C4orf51: variants seen among roughly 807,000 people sequenced by gnomAD.
C4orf51 encodes chromosome 4 open reading frame 51.
A neutral mutation model predicts 25.2 loss-of-function variants in C4orf51; 25 were observed. The ratio of observed to expected loss-of-function variants is 0.99; its 90% confidence interval spans 0.72 to 1.39. The LOEUF is 1.39. Among genes scored for constraint, C4orf51 ranks in the 40% most tolerant of loss-of-function variants. The pLI, the probability that C4orf51 is intolerant of heterozygous loss-of-function variation, is 0.00. For synonymous variants in C4orf51, 100 were observed against 84.5 expected, an observed-to-expected ratio of 1.18 and a Z score of -1.01; for missense variants, 252 against 239.6, an observed-to-expected ratio of 1.05 and a Z score of -0.34.
chr4:145,788,532 CTG>C, the C4orf51 span, among the ~76,000 whole-genome samples: 1 of 152,218 alleles, frequency 6.6e-6, no homozygotes, highest in Non-Finnish European at 1.5e-5. Flanking sequence ...TATGTTTTCC[CTG>C]TACTTGTACT....
rs867942596 is a variant in C4orf51, at chr4:145,761,690, C to T, written n.167-9298C>T. ...GCCTCACCAGCCTTCCCTCACACCA[C>T]CCCCCAGTGTCTGAGGCCTGGCCTG... On this transcript the variant is annotated intron_variant and non_coding_transcript_variant, in intron 1 of 1. Transcript: ENST00000510096. The surrounding 1 kb of genome is among the most constrained non-coding windows in gnomAD (Gnocchi z 6.8). 121 of 782,286 alleles carry T rather than the reference C, an allele frequency of 1.5e-4. 4 individuals are homozygous for T. The highest frequency in any genetic ancestry group is 1.2e-3 in the South Asian group (70 of 59,490). 48.5% of individuals were successfully genotyped at this position (782,286 alleles called of 1,614,324 possible).
At chr4:145,721,374 C>T (rs1043943553) in intron 2 of C4orf51, among the ~76,000 whole-genome samples, 1 of 150,840 alleles carries the variant, frequency 6.6e-6, no homozygotes, top group South Asian at 2.1e-4. Context: ...ATCACACTGG[C>T]CACCAATATG....
At chr4:145,791,911 T>C in the C4orf51 span, among the ~76,000 whole-genome samples, 1 of 152,222 alleles carries the variant, frequency 6.6e-6, no homozygotes, top group African/African-American at 2.4e-5. Context: ...CAGCCAGGAT[T>C]AAACCCAGGA....
Position 145,763,292 on chromosome 4 carries a change from A to G in C4orf51, n.167-7696A>G, listed in dbSNP as rs1367602652. 6.6e-6 allele frequency among the ~76,000 whole-genome samples: 1 copy of G among 152,234 alleles called. No individual in the cohort carries two copies. The highest frequency in any genetic ancestry group is 2.1e-4 in the South Asian group (1 of 4,836). On this transcript the variant is annotated intron_variant and non_coding_transcript_variant, in intron 1 of 1. Transcript: ENST00000510096. The surrounding 1 kb of genome is among the most constrained non-coding windows in gnomAD (Gnocchi z 4.6). ...CAATCTTTCTTTCACTGCTCAGGCA[A>G]AGTGCTAAGGGTTTTCCGTGCTCCC...
intron 1 of C4orf51, among the ~76,000 whole-genome samples, chr4:145,687,190 C>A (rs1435170470): frequency 6.6e-6 from 1 of 152,164 alleles, no homozygotes; most frequent in African/African-American, 2.4e-5. Context: ...AAAGGCTAAT[C>A]AGAAACTCAA....
chr4:145,780,046 C>T, the C4orf51 span, among the ~76,000 whole-genome samples: 1 of 152,152 alleles, frequency 6.6e-6, no homozygotes, highest in Non-Finnish European at 1.5e-5. Flanking sequence ...CAAAGAGTAG[C>T]TGGGCATGGT....
chr4:145,753,975 C>T (rs75130641), intron 1 of C4orf51, among the ~76,000 whole-genome samples: 7,847 of 152,302 alleles, frequency 0.052, 307 homozygotes, highest in Non-Finnish European at 0.071. Context: ...CATTTCTTAG[C>T]ATCATGACAC....
the C4orf51 span, among the ~76,000 whole-genome samples, chr4:145,789,081 C>A: frequency 6.6e-6 from 1 of 152,204 alleles, no homozygotes; most frequent in Non-Finnish European, 1.5e-5. Flanking sequence ...TTCACTCTGC[C>A]TCCTCCTTCT....
At chr4:145,707,694 A>G (rs1304415412) in intron 2 of C4orf51, among the ~76,000 whole-genome samples, 1 of 152,210 alleles carries the variant, frequency 6.6e-6, no homozygotes, top group African/African-American at 2.4e-5. Context: ...TAAGTAATAT[A>G]AAGGGATGTG....
intron 2 of C4orf51, among the ~76,000 whole-genome samples, chr4:145,716,104 A>G (rs529825200): frequency 1.1e-4 from 16 of 152,324 alleles, no homozygotes; most frequent in African/African-American, 3.8e-4. Flanking sequence ...TCTATTATCT[A>G]TTATCAAAAT....
chr4:145,787,427 A>G, the C4orf51 span, among the ~76,000 whole-genome samples: 1 of 144,516 alleles, frequency 6.9e-6, no homozygotes, highest in Admixed American at 7.3e-5. Flanking sequence ...ACGCCATTGC[A>G]CTCCAGCCCG....
chr4:145,707,982 C>G (rs1730916198), intron 2 of C4orf51, among the ~76,000 whole-genome samples: 1 of 152,192 alleles, frequency 6.6e-6, no homozygotes, highest in African/African-American at 2.4e-5. Context: ...TTGAAGCAGT[C>G]TCATTTCCAG....
chr4:145,720,767 A>G (rs551508083), intron 2 of C4orf51, among the ~76,000 whole-genome samples: 85 of 152,244 alleles, frequency 5.6e-4, no homozygotes, highest in African/African-American at 2.0e-3. Flanking sequence ...TCAACAAAGG[A>G]AAGATGCCCC....
downstream of C4orf51, among the ~76,000 whole-genome samples, chr4:145,774,340 T>A (rs1300120427): frequency 6.6e-6 from 1 of 152,154 alleles, no homozygotes; most frequent in Admixed American, 6.5e-5. Flanking sequence ...GAAACAGTAT[T>A]ATGACTACAG....
chr4:145,776,637 G>A, the C4orf51 span, among the ~76,000 whole-genome samples: 1 of 152,010 alleles, frequency 6.6e-6, no homozygotes, highest in Non-Finnish European at 1.5e-5. Context: ...TACCCCATGT[G>A]TCAGTCATGG....
At chr4:145,692,595 C>A (rs1284143949) in intron 1 of C4orf51, among the ~76,000 whole-genome samples, 1 of 152,184 alleles carries the variant, frequency 6.6e-6, no homozygotes, top group Non-Finnish European at 1.5e-5. Flanking sequence ...GCCACCAGCC[C>A]TTGTCTCAGG....
chr4:145,697,646 A>C (rs1417160423), intron 2 of C4orf51, among the ~76,000 whole-genome samples: 1 of 65,494 alleles, frequency 1.5e-5, no homozygotes, highest in Non-Finnish European at 3.2e-5. Flanking sequence ...TTCACTTAGC[A>C]TAAAGTCCTC....
At chr4:145,743,234 G>A (rs1338921621) in intron 1 of C4orf51, among the ~76,000 whole-genome samples, 1 of 152,064 alleles carries the variant, frequency 6.6e-6, no homozygotes, top group Admixed American at 6.5e-5. Flanking sequence ...TTGTGTTGCT[G>A]TAACAAAATA....
chr4:145,700,322 A>G (rs1027438283), intron 2 of C4orf51, among the ~76,000 whole-genome samples: 1 of 151,250 alleles, frequency 6.6e-6, no homozygotes, highest in African/African-American at 2.4e-5. Flanking sequence ...AGAACCCCCA[A>G]ATCCCTTCCC....
Sources: gnomAD v4.1 joint callset for allele counts (sites outside exome capture counted in the v4.1 genomes callset) on GRCh38, gnomAD v4.1.1 for gene constraint, Gnocchi (gnomAD v3.1) non-coding constraint, MANE v1.5 for transcripts, NCBI Gene and HGNC (gene_info 2026-07-23, HGNC 2026-07-21) for gene names.